NT5C1B: variants seen among roughly 807,000 people sequenced by gnomAD.
The protein encoded by NT5C1B is 5'-nucleotidase, cytosolic IB.
NT5C1B carries 44 observed loss-of-function variants against 57.8 expected under a neutral mutation model. The ratio of observed to expected loss-of-function variants is 0.76; its 90% CI spans 0.60 to 0.98. NT5C1B has a LOEUF of 0.98. NT5C1B is among the 50% of genes least tolerant of loss of function. NT5C1B has a pLI of 0.00. For synonymous variants in NT5C1B, 284 were observed against 282.6 expected, an observed-to-expected ratio of 1.00 and a Z score of -0.05; for missense variants, 742 against 719.5, an observed-to-expected ratio of 1.03 and a Z score of -0.36.
intron 8 of NT5C1B, 127 bp downstream of exon 8, chr2:18,576,057 T>A: frequency 1.0e-6 from 1 of 992,042 alleles, no homozygotes; most frequent in Non-Finnish European, 1.4e-6. Context: ...GCTCCAAAGA[T>A]AAGACAGTAA....
At chr2:18,575,299 A>G (rs1487276739) in intron 8 of NT5C1B, among the ~76,000 whole-genome samples, 3 of 152,216 alleles carry the variant, frequency 2.0e-5, no homozygotes, top group African/African-American at 7.2e-5. Flanking sequence ...TAGAAAGAGA[A>G]TATGAAGTTG....
At chr2:18,583,387 G>A (rs1572369856) in intron 5 of NT5C1B, 1 of 179,842 alleles carries the variant, frequency 5.6e-6, no homozygotes, top group African/African-American at 2.4e-5. Context: ...ACTGCTTCAT[G>A]AATCTGCATG....
At chr2:18,587,308 A>G (rs766627093) in intron 2 of NT5C1B, 195 bp downstream of exon 2, 56 of 1,477,662 alleles carry the variant, frequency 3.8e-5, no homozygotes, top group East Asian at 7.4e-5. Flanking sequence ...CGAAGTGAAC[A>G]CTAGGGTATG....
At chr2:18,569,075 A>T (rs1431736928) in intron 8 of NT5C1B, among the ~76,000 whole-genome samples, 1 of 152,228 alleles carries the variant, frequency 6.6e-6, no homozygotes, top group Non-Finnish European at 1.5e-5. Context: ...ATAAAATAAT[A>T]TATGACAACT....
intron 6 of NT5C1B, among the ~76,000 whole-genome samples, chr2:18,580,290 C>T (rs1212588026): frequency 6.6e-6 from 1 of 152,114 alleles, no homozygotes; most frequent in Non-Finnish European, 1.5e-5. Flanking sequence ...TGGGTATATA[C>T]CCAGAGGAAT....
At chr2:18,586,156 A>G in intron 3 of NT5C1B, 98 bp downstream of exon 3, 1 of 1,514,672 alleles carries the variant, frequency 6.6e-7, no homozygotes, top group Non-Finnish European at 8.9e-7. Flanking sequence ...AACACATGTA[A>G]AGCACATAAA....
Position 18,575,472 on chromosome 2 carries a change from A to C in NT5C1B, c.1329+712T>G, listed in dbSNP as rs149002709. Reference sequence around the variant, plus strand: ...TTCAGGAAGAACTGAGAAAAAGAACAATTAAATTTCTTGGGAAAATTGATA... The same window carrying C: ...TTCAGGAAGAACTGAGAAAAAGAACCATTAAATTTCTTGGGAAAATTGATA... On this transcript the variant is annotated intron_variant, in intron 8 of 8. Coordinates refer to ENST00000304081, the Ensembl canonical transcript of NT5C1B. Among the ~76,000 whole-genome samples the C allele has an allele frequency of 5.5e-3, 834 of 152,268 alleles. 2 individuals carry two copies. The highest frequency in any genetic ancestry group is 0.017 in the Middle Eastern group (5 of 294).
chr2:18,582,167 G>C (rs1186753876), intron 6 of NT5C1B, among the ~76,000 whole-genome samples: 1 of 152,158 alleles, frequency 6.6e-6, no homozygotes, highest in Non-Finnish European at 1.5e-5. Flanking sequence ...TTTAAAATGT[G>C]CTTCAATGAT....
At chr2:18,565,486 C>T (rs1664567179) in intron 8 of NT5C1B, among the ~76,000 whole-genome samples, 1 of 152,110 alleles carries the variant, frequency 6.6e-6, no homozygotes, top group African/African-American at 2.4e-5. Flanking sequence ...ATATAAGATT[C>T]TCCACAAGAT....
chr2:18,589,172 A>G (rs868021234), intron 1 of NT5C1B, among the ~76,000 whole-genome samples: 2 of 152,258 alleles, frequency 1.3e-5, no homozygotes, highest in Non-Finnish European at 2.9e-5. Context: ...AGTATATGCT[A>G]AATGAATACT....
chr2:18,571,727 T>C (rs1203702024), intron 8 of NT5C1B, among the ~76,000 whole-genome samples: 1 of 13,710 alleles, frequency 7.3e-5, no homozygotes, highest in Non-Finnish European at 1.5e-4. Flanking sequence ...TGTATATATA[T>C]ATATATATAT....
chr2:18,573,697 A>G (rs1049771167), intron 8 of NT5C1B, among the ~76,000 whole-genome samples: 1 of 152,084 alleles, frequency 6.6e-6, no homozygotes, highest in African/African-American at 2.4e-5. Flanking sequence ...CCAACACCCT[A>G]CTAGCAACAT....
intron 8 of NT5C1B, among the ~76,000 whole-genome samples, chr2:18,565,929 T>G (rs916130175): frequency 6.6e-6 from 1 of 152,184 alleles, no homozygotes; most frequent in African/African-American, 2.4e-5. Context: ...AATTGTATTT[T>G]TAACAGTAAC....
intron 8 of NT5C1B, among the ~76,000 whole-genome samples, chr2:18,571,716 G>GTGTGTGTGTA (rs1405396662): frequency 2.2e-4 from 15 of 68,722 alleles, no homozygotes; most frequent in African/African-American, 1.5e-3. Context: ...CTCTGTGTGT[G>GTGTGTGTGTA]TGTATATATA....
At chr2:18,587,548 T>A (rs1244550542) in exon 2 of NT5C1B, 2 of 1,613,984 alleles carry the variant, frequency 1.2e-6, no homozygotes, top group African/African-American at 2.7e-5. Context: ...CCTTTCTTTT[T>A]TCTGCTTCTA....
chr2:18,584,537 G>T lies in NT5C1B; in HGVS notation c.700C>A (p.Pro234Thr). The change falls in exon 4 of 9, where the codon CCG (proline) becomes ACG (threonine). Residue 234 changes from proline (P) to threonine (T), a missense_variant. Coordinates refer to ENST00000304081, the Ensembl canonical transcript of NT5C1B. The surrounding 1 kb of genome is among the most constrained non-coding windows in gnomAD (Gnocchi z 5.8). ...ACCGGCCAGGGGCGCGAGCAGCTCG[G>T]GTTCTTCTCGTAGAACGACCTCATG... The T allele has an allele frequency of 6.2e-7, 1 of 1,611,768 alleles. No homozygotes were observed.
chr2:18,576,682 C>T, intron 7 of NT5C1B, 91 bp downstream of exon 7: 2 of 1,562,568 alleles, frequency 1.3e-6, no homozygotes, highest in Non-Finnish European at 1.7e-6. Context: ...CCAACAAGAC[C>T]ATAAGCCTCA....
chr2:18,576,568 A>G (rs1177197333), intron 7 of NT5C1B, among the ~76,000 whole-genome samples, 200 bp from the exon 8 acceptor site: 1 of 152,196 alleles, frequency 6.6e-6, no homozygotes, highest in Non-Finnish European at 1.5e-5. Flanking sequence ...AACATGTGAA[A>G]TGGATTGTAG....
At chr2:18,577,753 C>A (rs1321296423) in intron 6 of NT5C1B, among the ~76,000 whole-genome samples, 1 of 149,372 alleles carries the variant, frequency 6.7e-6, no homozygotes, top group Non-Finnish European at 1.5e-5. Context: ...GAAGAAATAA[C>A]CATAATCAGA....
Sources: allele counts gnomAD v4.1 joint callset (sites outside exome capture counted in the v4.1 genomes callset), GRCh38; gene constraint gnomAD v4.1.1; non-coding constraint Gnocchi (gnomAD v3.1); transcripts MANE v1.5; gene names NCBI Gene and HGNC (gene_info 2026-07-23, HGNC 2026-07-21).